Variants in PLOD3 observed in about 807,000 individuals in gnomAD.
The protein encoded by PLOD3 is multifunctional procollagen lysine hydroxylase and glycosyltransferase LH3.
In PLOD3, 73 loss-of-function variants were observed where a neutral mutation model predicts 96.9. The observed-to-expected ratio is 0.75, with a 90% CI of 0.62 to 0.92. The LOEUF (loss-of-function observed/expected upper bound fraction) is 0.92. Among genes scored for constraint, PLOD3 ranks in the 40% least tolerant of loss-of-function variants. The probability of loss-of-function intolerance (pLI) is 0.00; values close to 1 mark genes in which losing one functional copy is unlikely to be tolerated. For missense variants in PLOD3, 1,004 were observed against 1,004.3 expected (o/e 1.00, Z 0.00); for synonymous variants, 454 against 413.7 (o/e 1.10, Z -1.18).
intron 6 of PLOD3, 61 bp downstream of exon 6, chr7:101,215,028 G>A (rs1798246268): frequency 7.8e-7 from 1 of 1,288,018 alleles, no homozygotes; most frequent in African/African-American, 1.5e-5. Flanking sequence ...GCCTCTCCCA[G>A]CTCAAGACCC....
At chr7:101,207,059 T>C (rs925648890) in intron 17 of PLOD3, among the ~76,000 whole-genome samples, 155 bp from the exon 18 acceptor site, 5 of 152,112 alleles carry the variant, frequency 3.3e-5, no homozygotes, top group Admixed American at 2.6e-4. Flanking sequence ...CACTGCAACC[T>C]CTGCCTCCCG....
chr7:101,207,474 T>C (rs941486723), intron 17 of PLOD3, 104 bp downstream of exon 17: 2 of 1,246,884 alleles, frequency 1.6e-6, no homozygotes, highest in African/African-American at 1.5e-5. Flanking sequence ...CTAAAATGCA[T>C]GGAGCCCAAA....
intron 5 of PLOD3, 35 bp downstream of exon 5, chr7:101,215,873 G>T: frequency 7.2e-7 from 1 of 1,393,706 alleles, no homozygotes; most frequent in Non-Finnish European, 1.0e-6. Context: ...CTCCCACAGA[G>T]CTGCGGGATG....
chr7:101,215,173 T>C (rs1798248628), intron 5 of PLOD3, 21 bp from the exon 6 acceptor site: 4 of 1,548,792 alleles, frequency 2.6e-6, no homozygotes, highest in Non-Finnish European at 3.6e-6. Flanking sequence ...TGAGATGCGA[T>C]GGAGTGGTTA....
rs759007615 is a variant in PLOD3, at chr7:101,216,552, G to C, written c.202-6C>G. Reference sequence around the variant, plus strand: ...TCCTCTCCCAGGCCCAGGGTCTGTGGAGAAGATTGCCCCGTGCCAGGCAAG... The same window carrying C: ...TCCTCTCCCAGGCCCAGGGTCTGTGCAGAAGATTGCCCCGTGCCAGGCAAG... On this transcript the variant is annotated splice_polypyrimidine_tract_variant and splice_region_variant and intron_variant, in intron 2 of 18. Transcript: ENST00000223127. 1.9e-6 allele frequency: 3 copies of C among 1,614,010 alleles called. No individual in the cohort carries two copies. Among genetic ancestry groups the C allele is most frequent in the Non-Finnish European group, 2.5e-6 (3 of 1,180,008 alleles).
intron 14 of PLOD3, 41 bp from the exon 15 acceptor site, chr7:101,210,202 C>T (rs576943672): frequency 4.6e-6 from 7 of 1,526,530 alleles, no homozygotes; most frequent in East Asian, 2.3e-5. Context: ...GTGCCCCCCT[C>T]GCTCCCAGCC....
In PLOD3 at chr7:101,217,442, G is replaced by T; in HGVS notation, c.-168C>A. ...CCCTGAAAAAAAGGCGTATCCGGAGGCTACAGAAAGCTCCAGATGCCGGCG... is the reference window on the plus strand; with the variant it reads ...CCCTGAAAAAAAGGCGTATCCGGAGTCTACAGAAAGCTCCAGATGCCGGCG... On this transcript the variant is annotated 5_prime_UTR_variant, in exon 1 of 19. Coordinates refer to ENST00000223127, the MANE Select transcript of PLOD3 (RefSeq NM_001084.5). 1 of 580,640 alleles carries T rather than the reference G, an allele frequency of 1.7e-6. No individual in the cohort carries two copies. Among genetic ancestry groups the T allele is most frequent in the Non-Finnish European group, 2.7e-6 (1 of 368,786 alleles). 36.0% of individuals were successfully genotyped at this position (580,640 alleles called of 1,614,324 possible).
In PLOD3 at chr7:101,208,946, G is replaced by A. The variant is rs376877769; in HGVS notation, c.1695C>T (p.Asp565=). ...CTGACAGCAGTGGGAACCAGTACAC[G>A]TCCGGGCATGGCTGAGGATGGGGCG... ...GEGIVEQPCP[D]VYWFPLLSEQ... Residue 565 remains aspartate (D), a synonymous_variant, in exon 16 of 19, where the codon GAC becomes GAT. Coordinates refer to ENST00000223127, the MANE Select transcript of PLOD3 (RefSeq NM_001084.5). 5.8e-5 allele frequency: 94 copies of A among 1,612,384 alleles called. No individual in the cohort carries two copies. In the African/African-American group the frequency reaches 1.0e-3, roughly 18 times the overall value.
intron 15 of PLOD3, 122 bp downstream of exon 15, chr7:101,209,971 C>G: frequency 1.6e-6 from 1 of 619,594 alleles, no homozygotes; most frequent in East Asian, 2.7e-5. Context: ...TTCATCTTGT[C>G]TGAACAGAAA....
chr7:101,215,056 G>A (rs369780170), intron 6 of PLOD3, 33 bp downstream of exon 6: 89 of 1,525,170 alleles, frequency 5.8e-5, no homozygotes, highest in Non-Finnish European at 7.5e-5. Flanking sequence ...CAGAGGCTGC[G>A]CATCGCCCAC....
intron 1 of PLOD3, 91 bp from the exon 2 acceptor site, chr7:101,216,877 C>T (rs1798286170): frequency 2.3e-6 from 2 of 879,458 alleles, no homozygotes; most frequent in Non-Finnish European, 3.7e-6. Context: ...GACTTCCCTC[C>T]CTTTCTTCCT....
chr7:101,210,120 G>T lies in PLOD3; in HGVS notation c.1656C>A (p.Ala552=). The stretch of plus-strand genomic sequence containing the variant: ...GCTCCACGATTCCTTCCCCTTCCAG[G>T]GCCCGGCTGTAGTTCTCGTGGATGT... ...EQYIHENYSR[A]LEGEGIVEQP... is the part of the protein sequence containing the mutation. Residue 552 remains alanine (A), a synonymous_variant, in exon 15 of 19, where the codon GCC becomes GCA. Transcript: ENST00000223127. 6.2e-7 allele frequency: 1 copy of T among 1,605,360 alleles called. No homozygotes were observed. Among genetic ancestry groups the T allele is most frequent in the Non-Finnish European group, 8.5e-7 (1 of 1,176,192 alleles).
chr7:101,216,073 T>C, intron 4 of PLOD3, 53 bp from the exon 5 acceptor site: 2 of 1,602,902 alleles, frequency 1.2e-6, no homozygotes, highest in Admixed American at 1.7e-5. Flanking sequence ...CCAGGGCCTG[T>C]CCCCCAGGCT....
chr7:101,207,543 AAGGTGGGGAGGCAGCTGGC>A lies in PLOD3; in HGVS notation c.1935+16_1935+34del. ...CTTCCTGTCCGGGACTGGGGTGGGG[AAGGTGGGGAGGCAGCTGGC>A]AGGTGGGCAGCGCACCTTGGTGTGG... On this transcript the variant is annotated intron_variant, in intron 17 of 18. Transcript: ENST00000223127. 6.2e-7 allele frequency: 1 copy of A among 1,606,956 alleles called. No individual in the cohort carries two copies. The highest frequency in any genetic ancestry group is 1.1e-5 in the South Asian group (1 of 90,768).
chr7:101,210,357 G>C lies in PLOD3; in HGVS notation c.1588C>G (p.Leu530Val). 6.2e-7 allele frequency: 1 copy of C among 1,614,150 alleles called. No individual in the cohort carries two copies. Among genetic ancestry groups the C allele is most frequent in the East Asian group, 2.2e-5 (1 of 44,888 alleles). ...RYDTEHLHPD[L>V]WQIFDNPVDW... Reference sequence around the variant, plus strand: ...ACGGGGTTGTCGAAGATCTGCCAGAGGTCGGGGTGCAGGTGCTCCGTGTCG... The same window carrying C: ...ACGGGGTTGTCGAAGATCTGCCAGACGTCGGGGTGCAGGTGCTCCGTGTCG... Residue 530 changes from leucine to valine, a missense_variant, in exon 14 of 19, where the codon CTC (leucine) becomes GTC (valine). Leu to Val is a conservative substitution (Grantham distance 32, BLOSUM62 1). This residue lies in a region of PLOD3 where 65 missense variants were observed against 68.8 expected (regional missense o/e 0.94). Coordinates refer to ENST00000223127, the MANE Select transcript of PLOD3 (RefSeq NM_001084.5).
chr7:101,213,215 A>G lies in PLOD3; in HGVS notation c.680-11T>C. The G allele has an allele frequency of 6.3e-7, 1 of 1,586,158 alleles. No individual in the cohort carries two copies. The highest frequency in any genetic ancestry group is 8.7e-7 in the Non-Finnish European group (1 of 1,154,576). Reference sequence around the variant, plus strand: ...TTAAAACCACTTCATCTGGGGAAGAAAAAGGCCAGGCTTCAGACCCCCTTT... The same window carrying G: ...TTAAAACCACTTCATCTGGGGAAGAGAAAGGCCAGGCTTCAGACCCCCTTT... On this transcript the variant is annotated splice_polypyrimidine_tract_variant and intron_variant, in intron 6 of 18. Transcript: ENST00000223127.
intron 7 of PLOD3, 76 bp downstream of exon 7, chr7:101,213,031 G>C (rs986262517): frequency 1.6e-4 from 183 of 1,157,232 alleles, no homozygotes; most frequent in Non-Finnish European, 1.8e-5. Flanking sequence ...GCTGGGAAGG[G>C]CCAGCTTCTC....
intron 15 of PLOD3, among the ~76,000 whole-genome samples, chr7:101,209,391 T>C (rs1393595928): frequency 6.6e-6 from 1 of 151,828 alleles, no homozygotes; most frequent in Non-Finnish European, 1.5e-5. Flanking sequence ...TTTTCTTTTT[T>C]TTTTGAGACA....
At chr7:101,209,437 G>A (rs1231203112) in intron 15 of PLOD3, among the ~76,000 whole-genome samples, 1 of 151,906 alleles carries the variant, frequency 6.6e-6, no homozygotes, top group Non-Finnish European at 1.5e-5. Flanking sequence ...GAGTGCAGTG[G>A]CGTGATCTTG....
Sources: gnomAD v4.1 joint callset for allele counts (sites outside exome capture counted in the v4.1 genomes callset) on GRCh38, gnomAD v4.1.1 for gene constraint, gnomAD v4.1.1 regional missense constraint, MANE v1.5 for transcripts, NCBI Gene and HGNC (gene_info 2026-07-23, HGNC 2026-07-21) for gene names.